OR14I1: variants seen among roughly 807,000 people sequenced by gnomAD.
OR14I1 encodes the protein olfactory receptor 14I1.
For synonymous variants in OR14I1, 118 were observed against 71.1 expected, an observed-to-expected ratio of 1.66 and a Z score of -3.32; for missense variants, 279 against 181.8, an observed-to-expected ratio of 1.53 and a Z score of -3.07.
At chr1:248,680,995 T>A (rs1661549250), downstream of OR14I1, among the ~76,000 whole-genome samples, 2 of 150,962 alleles carry the variant, frequency 1.3e-5, no homozygotes, top group African/African-American at 4.9e-5. Context: ...TGTGTGTGTG[T>A]ATGTGTGTGT....
the OR14I1 span, among the ~76,000 whole-genome samples, chr1:248,698,313 T>C: frequency 2.0e-5 from 3 of 152,364 alleles, no homozygotes; most frequent in African/African-American, 4.8e-5. Context: ...ATGTGCCATG[T>C]GAAAGAATAT....
At chr1:248,695,612 C>T in the OR14I1 span, among the ~76,000 whole-genome samples, 1 of 152,130 alleles carries the variant, frequency 6.6e-6, no homozygotes, top group Admixed American at 6.5e-5. Context: ...CCTGGTTAGC[C>T]CTGGATCTCT....
At chr1:248,690,632 A>AAGGAG in the OR14I1 span, among the ~76,000 whole-genome samples, 1 of 102,802 alleles carries the variant, frequency 9.7e-6, no homozygotes, top group East Asian at 3.0e-4. Context: ...AAGCCCAGGA[A>AAGGAG]CAGACGGATT....
At chr1:248,683,648 A>G (rs144955900), upstream of OR14I1, among the ~76,000 whole-genome samples, 720 of 152,378 alleles carry the variant, frequency 4.7e-3, 6 homozygotes, top group South Asian at 0.012. Flanking sequence ...GTTTAATGAA[A>G]AAATTTGAAG....
At chr1:248,686,664 T>A (rs2103135952), upstream of OR14I1, among the ~76,000 whole-genome samples, 1 of 129,254 alleles carries the variant, frequency 7.7e-6, no homozygotes, top group African/African-American at 2.7e-5. Flanking sequence ...TCTTGATTTT[T>A]TTCTCATAAA....
chr1:248,697,372 T>A, the OR14I1 span, among the ~76,000 whole-genome samples: 3 of 152,090 alleles, frequency 2.0e-5, no homozygotes, highest in Non-Finnish European at 4.4e-5. Flanking sequence ...ATTCACTTAT[T>A]TTTGAATTGA....
At chr1:248,697,453 T>C in the OR14I1 span, among the ~76,000 whole-genome samples, 1 of 148,920 alleles carries the variant, frequency 6.7e-6, no homozygotes, top group South Asian at 2.1e-4. Context: ...GGAATCTTCA[T>C]CTTCTGCAAA....
chr1:248,683,418 G>A (rs1203530424), upstream of OR14I1, among the ~76,000 whole-genome samples: 1 of 152,020 alleles, frequency 6.6e-6, no homozygotes, highest in Non-Finnish European at 1.5e-5. Flanking sequence ...TTTCAAACTA[G>A]AGCCAACTTT....
the OR14I1 span, among the ~76,000 whole-genome samples, chr1:248,694,922 G>A: frequency 1.3e-3 from 197 of 152,286 alleles, 1 homozygote; most frequent in African/African-American, 4.5e-3. Flanking sequence ...CAGTACAGTG[G>A]CCACTAGCCA....
At chr1:248,687,009 G>T (rs888046507), upstream of OR14I1, among the ~76,000 whole-genome samples, 9 of 152,142 alleles carry the variant, frequency 5.9e-5, no homozygotes, top group Admixed American at 2.6e-4. Context: ...GGAAGCCTGG[G>T]GGACGCTGGT....
the OR14I1 span, among the ~76,000 whole-genome samples, chr1:248,695,308 A>C: frequency 7.2e-6 from 1 of 138,626 alleles, no homozygotes; most frequent in African/African-American, 2.7e-5. Flanking sequence ...ATCTCGGCTC[A>C]CTGCAAGCTC....
chr1:248,681,895 C>T (rs779075332), exon 1 of OR14I1: 1 of 781,012 alleles, frequency 1.3e-6, no homozygotes, highest in Admixed American at 1.7e-5. Context: ...ATAGCACCCT[C>T]CTGATGTCAT....
At chr1:248,702,145 C>T in the OR14I1 span, among the ~76,000 whole-genome samples, 1 of 152,188 alleles carries the variant, frequency 6.6e-6, no homozygotes, top group East Asian at 1.9e-4. Flanking sequence ...CACCAGGCCC[C>T]TCCTCACATT....
chr1:248,699,474 A>G, the OR14I1 span, among the ~76,000 whole-genome samples: 774 of 152,320 alleles, frequency 5.1e-3, 8 homozygotes, highest in South Asian at 0.026. Context: ...CAGAAATAAC[A>G]TGCACTGAGA....
At chr1:248,691,984 C>G in the OR14I1 span, 1 of 152,428 alleles carries the variant, frequency 6.6e-6, no homozygotes, top group African/African-American at 2.4e-5. Context: ...CAGCGCGGCC[C>G]ACCCAGCATC....
At chr1:248,680,280 A>T (rs1465591736), downstream of OR14I1, among the ~76,000 whole-genome samples, 1 of 152,228 alleles carries the variant, frequency 6.6e-6, no homozygotes, top group Admixed American at 6.5e-5. Context: ...ACAGAATTTT[A>T]TGTTTTATTG....
chr1:248,685,620 C>A (rs1202958422), upstream of OR14I1, among the ~76,000 whole-genome samples: 1 of 151,770 alleles, frequency 6.6e-6, no homozygotes, highest in African/African-American at 2.4e-5. Flanking sequence ...ACTCACATTT[C>A]TGCACTGCTA....
At chr1:248,687,821 T>C in the OR14I1 span, among the ~76,000 whole-genome samples, 4 of 152,192 alleles carry the variant, frequency 2.6e-5, 1 homozygote, top group South Asian at 8.3e-4. Context: ...GGCAATACTA[T>C]AAGGCAGTAG....
At chr1:248,691,674 GGCGGGAAGA>G in the OR14I1 span, 1 of 152,518 alleles carries the variant, frequency 6.6e-6, no homozygotes. Flanking sequence ...GCTCCCAGAG[GGCGGGAAGA>G]GCGGGAAGTG....
Sources: gnomAD v4.1 joint callset for allele counts (sites outside exome capture counted in the v4.1 genomes callset) on GRCh38, gnomAD v4.1.1 for gene constraint, MANE v1.5 for transcripts, NCBI Gene and HGNC (gene_info 2026-07-23, HGNC 2026-07-21) for gene names.